FHIP1A: variants seen among roughly 807,000 people sequenced by gnomAD.
The protein encoded by FHIP1A is FHF complex subunit HOOK-interacting protein 1A.
Under a neutral mutation model 88.6 loss-of-function variants are expected in FHIP1A, and 61 were observed. The ratio of observed to expected loss-of-function variants is 0.69; its 90% CI spans 0.56 to 0.85. The LOEUF is 0.85. Among genes scored for constraint, FHIP1A ranks in the 40% least tolerant of loss-of-function variants. FHIP1A has a pLI of 0.00. For synonymous variants in FHIP1A, 478 were observed against 496.0 expected, an observed-to-expected ratio of 0.96 and a Z score of 0.48; for missense variants, 1,154 against 1,273.5, an observed-to-expected ratio of 0.91 and a Z score of 1.43.
At chr4:151,435,272 C>T (rs1350448776) in intron 1 of FHIP1A, among the ~76,000 whole-genome samples, 5 of 152,216 alleles carry the variant, frequency 3.3e-5, no homozygotes, top group African/African-American at 1.2e-4. Flanking sequence ...TTCTCTCCTC[C>T]CTCCACCCTC....
chr4:151,445,866 A>ATATG, intron 1 of FHIP1A, among the ~76,000 whole-genome samples: 1 of 140,624 alleles, frequency 7.1e-6, no homozygotes, highest in Non-Finnish European at 1.5e-5. Flanking sequence ...ATATATATAT[A>ATATG]TATATATTTC....
rs1005515859 is a variant in FHIP1A at position 151,540,721 on chromosome 4, G to A, written c.-122-25417G>A. ...AAAATATTAACAGTCAGCTTATATG[G>A]CCAAATCTTTGTTCTGCTCCCATTG... On this transcript the variant is annotated intron_variant, in intron 3 of 13. Coordinates refer to ENST00000435205, the MANE Select transcript of FHIP1A (RefSeq NM_001109977.3). 2.0e-5 allele frequency among the ~76,000 whole-genome samples: 3 copies of A among 152,192 alleles called. 1 individual carries two copies. Among genetic ancestry groups the A allele is most frequent in the Admixed American group, 6.5e-5 (1 of 15,282 alleles).
chr4:151,420,791 G>A (rs1435572712), intron 1 of FHIP1A, among the ~76,000 whole-genome samples: 1 of 152,180 alleles, frequency 6.6e-6, no homozygotes, highest in Admixed American at 6.5e-5. Flanking sequence ...AAAGCACTAA[G>A]ATCAACCTAG....
At chr4:151,414,721 G>A (rs931327690) in intron 1 of FHIP1A, among the ~76,000 whole-genome samples, 2 of 152,078 alleles carry the variant, frequency 1.3e-5, no homozygotes, top group African/African-American at 4.8e-5. Flanking sequence ...CTAAAAGACA[G>A]GTAGAGACAA....
chr4:151,629,895 A>C, intron 8 of FHIP1A, 26 bp downstream of exon 8: 1 of 1,541,698 alleles, frequency 6.5e-7, no homozygotes, highest in Non-Finnish European at 8.8e-7. Flanking sequence ...GAGGAAGGGA[A>C]CTTACAACTC....
intron 1 of FHIP1A, among the ~76,000 whole-genome samples, chr4:151,425,546 GTTC>G (rs1242026222): frequency 6.6e-6 from 1 of 152,066 alleles, no homozygotes; most frequent in African/African-American, 2.4e-5. Context: ...TTTAAAAAGA[GTTC>G]TTATTTCTTA....
chr4:151,534,187 T>C (rs1946999), intron 3 of FHIP1A, among the ~76,000 whole-genome samples: 73,311 of 152,094 alleles, frequency 0.48, 18,213 homozygotes, highest in African/African-American at 0.6. Flanking sequence ...AACCTGAATT[T>C]GAGGCCCACC....
intron 3 of FHIP1A, among the ~76,000 whole-genome samples, chr4:151,496,294 C>T (rs1730459182): frequency 6.6e-6 from 1 of 151,002 alleles, no homozygotes. Flanking sequence ...TTTGTTGTAG[C>T]TGTTGAAAAC....
intron 3 of FHIP1A, among the ~76,000 whole-genome samples, chr4:151,528,704 G>A (rs368752404): frequency 2.0e-5 from 3 of 152,106 alleles, no homozygotes; most frequent in Admixed American, 6.5e-5. Context: ...CACTGTTGTC[G>A]TTTGGTTTTT....
rs1201840516 is a variant in FHIP1A at position 151,586,781 on chromosome 4, T to C, written c.873T>C (p.Phe291=). The stretch of plus-strand genomic sequence containing the variant: ...TCCAGTTCATGAACTCCCTGGAGTT[T>C]TGCAATGCAGTCATACAGGTACCAG... ...SLVQFMNSLE[F]CNAVIQVAHP... is the part of the protein sequence containing the mutation. Residue 291 remains phenylalanine, a synonymous_variant, in exon 6 of 14, where the codon TTT becomes TTC. Transcript: ENST00000435205. The C allele has an allele frequency of 5.8e-6, 9 of 1,550,498 alleles. No homozygotes were observed. In the Admixed American group the frequency reaches 1.2e-4, roughly 20 times the overall value.
intron 2 of FHIP1A, among the ~76,000 whole-genome samples, chr4:151,480,397 G>T (rs746531404): frequency 1.6e-4 from 24 of 152,056 alleles, no homozygotes; most frequent in Non-Finnish European, 3.1e-4. Flanking sequence ...TATTTCTCAT[G>T]AATTAGGGAT....
intron 3 of FHIP1A, among the ~76,000 whole-genome samples, chr4:151,522,657 CTTAAGACAAAT>C: frequency 6.6e-6 from 1 of 152,350 alleles, no homozygotes; most frequent in Non-Finnish European, 1.5e-5. Context: ...ATCAAACAAG[CTTAAGACAAAT>C]TTTGTCCTTT....
chr4:151,588,083 G>C (rs1734286917), intron 6 of FHIP1A, among the ~76,000 whole-genome samples: 2 of 151,876 alleles, frequency 1.3e-5, no homozygotes, highest in Non-Finnish European at 2.9e-5. Flanking sequence ...GGCATGGTAA[G>C]AACAGGGAAA....
rs1388645847 is a variant in FHIP1A, at chr4:151,649,515, T to C, written c.1474T>C (p.Tyr492His). Residue 492 changes from tyrosine to histidine, a missense_variant, in exon 11 of 14, where the codon TAT (tyrosine) becomes CAT (histidine). Tyr to His is a moderately conservative substitution (Grantham distance 83). Transcript: ENST00000435205. The part of the protein sequence containing the change: ...AFSESACIVE[Y>H]GKALDISYLQ... The stretch of plus-strand genomic sequence containing the variant: ...CTCCGAGTCAGCCTGCATTGTGGAG[T>C]ATGGGAAAGCCCTGGACATCAGCTA... 1.9e-6 allele frequency: 3 copies of C among 1,551,428 alleles called. No homozygotes were observed. The highest frequency in any genetic ancestry group is 2.6e-6 in the Non-Finnish European group (3 of 1,146,934).
intron 11 of FHIP1A, among the ~76,000 whole-genome samples, chr4:151,653,379 C>CCCCT (rs1737106387): frequency 6.7e-6 from 1 of 149,930 alleles, no homozygotes; most frequent in Non-Finnish European, 1.5e-5. Flanking sequence ...TCTCTCTCTC[C>CCCCT]CCCTCCCTCT....
intron 2 of FHIP1A, among the ~76,000 whole-genome samples, chr4:151,464,009 C>G (rs984985971): frequency 1.5e-4 from 23 of 152,084 alleles, no homozygotes; most frequent in Non-Finnish European, 1.5e-5. Context: ...CTTCTGTCAG[C>G]CTCCTTAGCC....
chr4:151,554,637 A>G (rs765655913), intron 3 of FHIP1A, among the ~76,000 whole-genome samples: 1 of 152,088 alleles, frequency 6.6e-6, no homozygotes, highest in African/African-American at 2.4e-5. Flanking sequence ...GACATGTTCT[A>G]TTTCTACTGT....
chr4:151,582,210 A>C (rs7683134), intron 5 of FHIP1A, among the ~76,000 whole-genome samples: 43,316 of 152,082 alleles, frequency 0.28, 6,399 homozygotes, highest in Non-Finnish European at 0.33. Flanking sequence ...TGTATCAAAT[A>C]GTCCCTACCA....
intron 1 of FHIP1A, among the ~76,000 whole-genome samples, chr4:151,444,617 T>G (rs1035542301): frequency 1.3e-5 from 2 of 152,192 alleles, no homozygotes; most frequent in Non-Finnish European, 2.9e-5. Flanking sequence ...TTTTATATAT[T>G]TATCTCTAGA....
Sources: allele counts gnomAD v4.1 joint callset (sites outside exome capture counted in the v4.1 genomes callset), GRCh38; gene constraint gnomAD v4.1.1; transcripts MANE v1.5; gene names NCBI Gene and HGNC (gene_info 2026-07-23, HGNC 2026-07-21).